SND1: variants seen among roughly 807,000 people sequenced by gnomAD.
The protein encoded by SND1 is staphylococcal nuclease and tudor domain containing 1, also known as staphylococcal nuclease domain-containing protein 1.
SND1 carries 38 observed loss-of-function variants against 121.7 expected under a neutral mutation model. The observed-to-expected ratio is 0.31, with a 90% confidence interval of 0.24 to 0.41. The LOEUF is 0.41. Ranked by LOEUF, SND1 falls within the 10% of genes least tolerant of loss-of-function variation. The pLI, the probability that SND1 is intolerant of heterozygous loss-of-function variation, is 1.00. For synonymous variants in SND1, 401 were observed against 447.4 expected (o/e 0.90, Z 1.31); for missense variants, 868 against 1,184.6 (o/e 0.73, Z 3.92).
intron 1 of SND1, among the ~76,000 whole-genome samples, chr7:127,674,918 T>A: frequency 6.6e-6 from 1 of 152,232 alleles, no homozygotes; most frequent in East Asian, 1.9e-4. Context: ...ACACTTTATT[T>A]TGGCCGGGTG....
chr7:127,717,313 G>A (rs1401749116), intron 9 of SND1, among the ~76,000 whole-genome samples: 1 of 152,066 alleles, frequency 6.6e-6, no homozygotes, highest in Non-Finnish European at 1.5e-5. Context: ...GCATTTAGTT[G>A]TCATATCTCC....
At chr7:127,858,331 T>C in intron 12 of SND1, 3 of 1,275,308 alleles carry the variant, frequency 2.4e-6, no homozygotes, top group Non-Finnish European at 3.3e-6. Flanking sequence ...CTTTGCCTCC[T>C]CCTCGGGCCC....
At chr7:127,876,341 G>A (rs1799689415) in intron 12 of SND1, among the ~76,000 whole-genome samples, 1 of 152,146 alleles carries the variant, frequency 6.6e-6, no homozygotes, top group African/African-American at 2.4e-5. Flanking sequence ...ATGGGAGGCT[G>A]TAATAGTCCC....
At chr7:127,841,337 A>T (rs1798961560) in intron 11 of SND1, among the ~76,000 whole-genome samples, 1 of 151,776 alleles carries the variant, frequency 6.6e-6, no homozygotes, top group South Asian at 2.1e-4. Context: ...TGTTAGATGG[A>T]TTGGGTGAAA....
chr7:128,066,009 C>A (rs1033736736), intron 16 of SND1, among the ~76,000 whole-genome samples: 4 of 152,232 alleles, frequency 2.6e-5, no homozygotes, highest in Non-Finnish European at 5.9e-5. Context: ...GATGAACAGT[C>A]TGCTTCCTTA....
chr7:127,843,110 T>A (rs906839092), intron 11 of SND1, among the ~76,000 whole-genome samples: 1 of 152,132 alleles, frequency 6.6e-6, no homozygotes, highest in Non-Finnish European at 1.5e-5. Context: ...CTTTTTTTTT[T>A]AGAGCAGTTT....
intron 1 of SND1, among the ~76,000 whole-genome samples, chr7:127,667,587 C>G (rs1234709659): frequency 6.6e-6 from 1 of 152,140 alleles, no homozygotes; most frequent in Admixed American, 6.5e-5. Context: ...TCTCCTTTCT[C>G]TGGGCCTTGG....
chr7:128,017,483 A>G (rs1055583517), intron 16 of SND1, among the ~76,000 whole-genome samples: 3 of 152,194 alleles, frequency 2.0e-5, no homozygotes, highest in African/African-American at 7.2e-5. Context: ...GAAGTTTTAG[A>G]CATGAGAGGT....
chr7:128,020,362 G>A (rs1419974813), intron 16 of SND1, among the ~76,000 whole-genome samples: 5 of 152,162 alleles, frequency 3.3e-5, no homozygotes, highest in Non-Finnish European at 7.3e-5. Context: ...TGTAAATGGC[G>A]CCCCCTGGAG....
In SND1 at chr7:127,698,875, A is replaced by T. The variant is rs1796052911; in HGVS notation, c.350A>T (p.Asp117Val). ...REYGMIYLGK[D>V]TNGENIAESL... Reference sequence around the variant, plus strand: ...TTAAATCCCCCCTTTTCCTCCTCAGATACCAATGGGGAAAACATTGCAGAA... The same window carrying T: ...TTAAATCCCCCCTTTTCCTCCTCAGTTACCAATGGGGAAAACATTGCAGAA... The change falls in exon 4 of 24, where the codon GAT becomes GTT. Residue 117 changes from aspartate (D) to valine (V), a missense_variant and splice_region_variant. Physicochemically the swap from Asp to Val is radical, Grantham distance 152. Transcript: ENST00000354725. 1 of 1,613,582 alleles carries T rather than the reference A, an allele frequency of 6.2e-7. No individual in the cohort carries two copies. The highest frequency in any genetic ancestry group is 8.5e-7 in the Non-Finnish European group (1 of 1,179,592).
At chr7:127,670,500 T>G (rs778149998) in intron 1 of SND1, among the ~76,000 whole-genome samples, 3 of 152,130 alleles carry the variant, frequency 2.0e-5, no homozygotes, top group South Asian at 2.1e-4. Context: ...TGCGGCCAGA[T>G]TGGAAAACTT....
At chr7:127,992,259 T>TC (rs1274470980) in intron 16 of SND1, among the ~76,000 whole-genome samples, 24 of 152,254 alleles carry the variant, frequency 1.6e-4, no homozygotes, top group African/African-American at 5.5e-4. Flanking sequence ...GGAAGGTGCT[T>TC]CCCCCTCTCC....
chr7:127,736,897 G>A (rs556934319), intron 10 of SND1, among the ~76,000 whole-genome samples: 14 of 152,286 alleles, frequency 9.2e-5, no homozygotes, highest in African/African-American at 1.9e-4. Flanking sequence ...AAAGGCTCCC[G>A]TGGCAGCTTC....
chr7:127,773,607 A>T (rs939912334), intron 10 of SND1, among the ~76,000 whole-genome samples: 2 of 152,076 alleles, frequency 1.3e-5, no homozygotes, highest in African/African-American at 4.8e-5. Context: ...TGGATTCAGT[A>T]TGAAATGGCC....
intron 10 of SND1, among the ~76,000 whole-genome samples, chr7:127,763,674 AACTT>A (rs1797350844): frequency 6.6e-6 from 1 of 152,042 alleles, no homozygotes; most frequent in Non-Finnish European, 1.5e-5. Flanking sequence ...TTTAAGGAAA[AACTT>A]ACGGACAAAA....
At chr7:128,091,223 C>G (rs1793773377) in intron 22 of SND1, among the ~76,000 whole-genome samples, 1 of 152,072 alleles carries the variant, frequency 6.6e-6, no homozygotes, top group Non-Finnish European at 1.5e-5. Flanking sequence ...ATTTGTATTG[C>G]TCTTGTTTGG....
chr7:127,933,619 G>C (rs952926477), intron 15 of SND1, among the ~76,000 whole-genome samples: 2 of 152,152 alleles, frequency 1.3e-5, no homozygotes, highest in Non-Finnish European at 2.9e-5. Flanking sequence ...CATGATTGTC[G>C]CAGTTTAATG....
chr7:127,877,745 T>G lies in SND1; in HGVS notation c.1344-10157T>G, dbSNP rs193182615. Among the ~76,000 whole-genome samples the G allele has an allele frequency of 1.6e-3, 251 of 152,204 alleles. 1 individual carries two copies. Among genetic ancestry groups the G allele is most frequent in the African/African-American group, 5.8e-3 (240 of 41,534 alleles). On this transcript the variant is annotated intron_variant, in intron 12 of 23. Coordinates refer to ENST00000354725, the MANE Select transcript of SND1 (RefSeq NM_014390.4). ...ACCGCGTCCAGCCGATCACCCACTT[T>G]TAAAACCCCAGGTATCTTTGGTTTT...
At chr7:127,668,738 C>G (rs1795462373) in intron 1 of SND1, among the ~76,000 whole-genome samples, 1 of 152,226 alleles carries the variant, frequency 6.6e-6, no homozygotes, top group African/African-American at 2.4e-5. Context: ...GCCTATTTCT[C>G]TGCCAAATGA....
Sources: allele counts gnomAD v4.1 joint callset (sites outside exome capture counted in the v4.1 genomes callset), GRCh38; gene constraint gnomAD v4.1.1; transcripts MANE v1.5; gene names NCBI Gene and HGNC (gene_info 2026-07-23, HGNC 2026-07-21).